The following POLA1 variants were observed in gnomAD, a reference collection of about 807,000 sequenced individuals.
The protein encoded by POLA1 is DNA polymerase alpha 1, catalytic subunit, also known as DNA polymerase alpha catalytic subunit.
A neutral mutation model predicts 124.0 loss-of-function variants in POLA1; 15 were observed. The ratio of observed to expected loss-of-function variants is 0.12; its 90% confidence interval spans 0.08 to 0.19. POLA1 has a LOEUF of 0.19. Among genes scored for constraint, POLA1 ranks in the 10% least tolerant of loss-of-function variants. The pLI, the probability that POLA1 is intolerant of heterozygous loss-of-function variation, is 1.00. For synonymous variants in POLA1, 408 were observed against 389.4 expected (o/e 1.05, Z -0.56); for missense variants, 886 against 1,103.4 (o/e 0.80, Z 2.79).
chrX:24,795,527 A>G (rs1392069300), intron 26 of POLA1, among the ~76,000 whole-genome samples: 1 of 111,698 alleles, frequency 9.0e-6, no homozygotes, highest in Non-Finnish European at 1.9e-5. Flanking sequence ...GCTGACAGGA[A>G]TCAGATCTAT....
chrX:24,733,809 A>T lies in POLA1; in HGVS notation c.1826A>T (p.Glu609Val). 9.0e-7 allele frequency: 1 copy of T among 1,113,118 alleles called. No homozygotes were observed. The highest frequency in any genetic ancestry group is 1.2e-6 in the Non-Finnish European group (1 of 811,874). 91.7% of individuals were successfully genotyped at this position (1,113,118 alleles called of 1,213,427 possible). The change falls in exon 17 of 37, where the codon GAG becomes GTG. Residue 609 changes from glutamate (E) to valine (V), a missense_variant. This residue lies in a region of POLA1 where 337 missense variants were observed against 402.8 expected (regional missense o/e 0.84). Transcript: ENST00000379068. ...CCATATGCTTTCAAAGAAGTCATTG[A>T]GAAAAAGGTAAAGTGCTCATTATAT... ...IFPYAFKEVI[E>V]KKNVKVEVAA...
intron 33 of POLA1, among the ~76,000 whole-genome samples, chrX:24,843,122 A>T (rs1244118498): frequency 2.7e-5 from 3 of 111,914 alleles, no homozygotes; most frequent in African/African-American, 9.7e-5. Context: ...ACTTGACAAG[A>T]TGAAAACAAA....
At chrX:24,905,647 C>T (rs1404433490) in intron 35 of POLA1, among the ~76,000 whole-genome samples, 1 of 103,783 alleles carries the variant, frequency 9.6e-6, no homozygotes, top group African/African-American at 3.5e-5. Context: ...ACTGCAACCT[C>T]CGGTCCCCGG....
intron 2 of POLA1, among the ~76,000 whole-genome samples, chrX:24,702,417 CAG>C (rs1928517124): frequency 8.9e-6 from 1 of 112,557 alleles, no homozygotes; most frequent in Non-Finnish European, 1.9e-5. Flanking sequence ...ACCAGCCCAC[CAG>C]AGTCTCATCT....
intron 26 of POLA1, among the ~76,000 whole-genome samples, chrX:24,760,450 C>T (rs1300283239): frequency 8.9e-6 from 1 of 112,003 alleles, no homozygotes; most frequent in Non-Finnish European, 1.9e-5. Context: ...CACACTGTCT[C>T]CTTATGTTAG....
intron 26 of POLA1, among the ~76,000 whole-genome samples, chrX:24,801,186 T>G (rs1361547185): frequency 8.9e-6 from 1 of 112,149 alleles, no homozygotes; most frequent in Non-Finnish European, 1.9e-5. Flanking sequence ...ACATGCATTG[T>G]GTTTGAAGGT....
At chrX:24,780,166 A>G (rs1264173075) in intron 26 of POLA1, among the ~76,000 whole-genome samples, 4 of 111,718 alleles carry the variant, frequency 3.6e-5, no homozygotes, top group African/African-American at 1.3e-4. Context: ...TTCTTTTCAT[A>G]TCTTTGATTA....
intron 34 of POLA1, among the ~76,000 whole-genome samples, chrX:24,861,592 T>A (rs2046716672): frequency 8.9e-6 from 1 of 112,943 alleles, no homozygotes; most frequent in Non-Finnish European, 1.9e-5. Flanking sequence ...ATCACAGAAG[T>A]TAGATATCCA....
chrX:24,893,205 A>G (rs987501620), intron 35 of POLA1, among the ~76,000 whole-genome samples: 2 of 111,810 alleles, frequency 1.8e-5, no homozygotes, highest in South Asian at 3.8e-4. Context: ...AGAGAACCTT[A>G]GAACTATGAC....
At chrX:24,921,051 C>T (rs2047609218) in intron 35 of POLA1, among the ~76,000 whole-genome samples, 1 of 111,900 alleles carries the variant, frequency 8.9e-6, no homozygotes, top group Non-Finnish European at 1.9e-5. Flanking sequence ...ACCCCATTTA[C>T]TGACCAGATC....
At chrX:24,910,453 G>A (rs907760409) in intron 35 of POLA1, among the ~76,000 whole-genome samples, 13 of 111,127 alleles carry the variant, frequency 1.2e-4, no homozygotes, top group Non-Finnish European at 2.1e-4. Context: ...AGCATGAAGC[G>A]TTGTTGAATT....
At position 24,960,255 on chromosome X, in the gene POLA1, A is replaced by G. The variant is rs774062819; in HGVS notation, c.4261+29706A>G. On this transcript the variant is annotated intron_variant, in intron 36 of 36. Coordinates refer to ENST00000379068, the MANE Select transcript of POLA1 (RefSeq NM_001330360.2). ...TGAAGTAGAGTTGAGCATATGAGAA[A>G]GTACCCTGTATCAATTCTACATTCA... 2.7e-5 allele frequency among the ~76,000 whole-genome samples: 3 copies of G among 112,074 alleles called. No individual in the cohort carries two copies. The East Asian group carries it at 8.4e-4, about 31-fold the overall frequency.
intron 23 of POLA1, among the ~76,000 whole-genome samples, chrX:24,744,190 A>G (rs1931853373): frequency 8.9e-6 from 1 of 112,911 alleles, no homozygotes; most frequent in Non-Finnish European, 1.9e-5. Flanking sequence ...CTGAGTAGGA[A>G]ACATTTTTGA....
At chrX:24,841,938 C>T in intron 33 of POLA1, 108 bp downstream of exon 33, 3 of 514,257 alleles carry the variant, frequency 5.8e-6, no homozygotes, top group Admixed American at 3.9e-5. Flanking sequence ...ACACATGTTG[C>T]TTTCATGTGT....
At chrX:24,737,854 C>T (rs1329752703) in intron 19 of POLA1, 113 bp downstream of exon 19, 1 of 388,558 alleles carries the variant, frequency 2.6e-6, no homozygotes, top group African/African-American at 2.6e-5. Context: ...ATGGGAACTT[C>T]AGTACATTTT....
chrX:24,951,350 C>T (rs978556687), intron 36 of POLA1, among the ~76,000 whole-genome samples: 3 of 74,677 alleles, frequency 4.0e-5, no homozygotes, highest in Admixed American at 1.4e-4. Flanking sequence ...CCTACCCCCC[C>T]CCCCCCCCAC....
intron 36 of POLA1, among the ~76,000 whole-genome samples, chrX:24,988,086 T>G (rs1785227670): frequency 8.9e-6 from 1 of 112,585 alleles, no homozygotes; most frequent in African/African-American, 3.2e-5. Context: ...TCTTTTGACT[T>G]TATCCCCAAA....
chrX:24,777,989 A>G (rs2045175391), intron 26 of POLA1, among the ~76,000 whole-genome samples: 2 of 112,256 alleles, frequency 1.8e-5, no homozygotes, highest in South Asian at 3.7e-4. Context: ...TCCGATGTCA[A>G]TAAGAATTAG....
At chrX:24,908,249 C>CT (rs1333757413) in intron 35 of POLA1, among the ~76,000 whole-genome samples, 1 of 110,116 alleles carries the variant, frequency 9.1e-6, no homozygotes. Context: ...CGTGTAATTT[C>CT]TTTTTTTATT....
Sources: gnomAD v4.1 joint callset for allele counts (sites outside exome capture counted in the v4.1 genomes callset) on GRCh38, gnomAD v4.1.1 for gene constraint, gnomAD v4.1.1 regional missense constraint, MANE v1.5 for transcripts, NCBI Gene and HGNC (gene_info 2026-07-23, HGNC 2026-07-21) for gene names.